INSC: variants seen among roughly 807,000 people sequenced by gnomAD.
INSC encodes protein inscuteable homolog.
In INSC, 67 loss-of-function variants were observed where a neutral mutation model predicts 58.6. That is an observed-to-expected ratio of 1.14 (90% CI 0.94 to 1.40). The LOEUF (loss-of-function observed/expected upper bound fraction) is 1.40, where lower values mean the gene tolerates loss of function less well. Among genes scored for constraint, INSC ranks in the 40% most tolerant of loss-of-function variants. The pLI, the probability that INSC is intolerant of heterozygous loss-of-function variation, is 0.00. For synonymous variants in INSC, 262 were observed against 276.1 expected (o/e 0.95, Z 0.51); for missense variants, 714 against 692.0 (o/e 1.03, Z -0.36).
chr11:15,210,071 A>T (rs1320039330), intron 7 of INSC, among the ~76,000 whole-genome samples: 1 of 152,220 alleles, frequency 6.6e-6, no homozygotes, highest in Non-Finnish European at 1.5e-5. Context: ...GTGGGCCAAG[A>T]TGAGCTCTGC....
At chr11:15,119,936 A>T (rs1232168965) in intron 1 of INSC, among the ~76,000 whole-genome samples, 2 of 152,224 alleles carry the variant, frequency 1.3e-5, no homozygotes. Flanking sequence ...GAATAGGCAA[A>T]CCATAAAATG....
intron 1 of INSC, among the ~76,000 whole-genome samples, chr11:15,127,582 A>T (rs1159104519): frequency 6.6e-6 from 1 of 152,172 alleles, no homozygotes; most frequent in Non-Finnish European, 1.5e-5. Flanking sequence ...TTCCACATGG[A>T]GAGTAGTGAG....
chr11:15,135,881 T>C (rs1290450010), intron 1 of INSC, among the ~76,000 whole-genome samples: 2 of 152,194 alleles, frequency 1.3e-5, no homozygotes, highest in East Asian at 3.8e-4. Flanking sequence ...ATGGGTTTGG[T>C]ATCTAATGAA....
downstream of INSC, among the ~76,000 whole-genome samples, chr11:15,250,293 C>T (rs1445712901): frequency 2.0e-5 from 3 of 152,180 alleles, no homozygotes; most frequent in Non-Finnish European, 4.4e-5. Context: ...TCTGTTCTCT[C>T]ATCTGTAAAG....
At chr11:15,196,226 T>G (rs1022700642) in intron 6 of INSC, among the ~76,000 whole-genome samples, 1 of 152,232 alleles carries the variant, frequency 6.6e-6, no homozygotes, top group Non-Finnish European at 1.5e-5. Flanking sequence ...TAATTACTAT[T>G]TATTGGTGGC....
intron 9 of INSC, among the ~76,000 whole-genome samples, chr11:15,230,012 TAA>T (rs1491434998): frequency 0.027 from 707 of 25,824 alleles, 53 homozygotes; most frequent in African/African-American, 0.099. Context: ...TATATATATA[TAA>T]TATATATATA....
intron 2 of INSC, among the ~76,000 whole-genome samples, chr11:15,153,274 A>T (rs1291147783): frequency 6.6e-6 from 1 of 152,186 alleles, no homozygotes; most frequent in South Asian, 2.1e-4. Context: ...ACACTTTTTC[A>T]CATGGTTTCC....
At chr11:15,248,035 G>A (rs1852610769), downstream of INSC, among the ~76,000 whole-genome samples, 1 of 152,142 alleles carries the variant, frequency 6.6e-6, no homozygotes, top group South Asian at 2.1e-4. Context: ...TAAAGGTAGT[G>A]TTCCACAGAA....
chr11:15,177,236 C>T, intron 4 of INSC, 73 bp downstream of exon 4: 1 of 1,175,746 alleles, frequency 8.5e-7, no homozygotes, highest in South Asian at 1.2e-5. Flanking sequence ...GGTATCTTCT[C>T]CCAGAGGGAG....
intron 1 of INSC, among the ~76,000 whole-genome samples, chr11:15,132,159 C>T (rs1297936328): frequency 6.6e-6 from 1 of 152,096 alleles, no homozygotes; most frequent in Non-Finnish European, 1.5e-5. Context: ...TAATTTATAT[C>T]TCTATTTTTC....
At chr11:15,144,635 G>T (rs1416921104) in intron 1 of INSC, among the ~76,000 whole-genome samples, 3 of 152,172 alleles carry the variant, frequency 2.0e-5, no homozygotes, top group Non-Finnish European at 4.4e-5. Flanking sequence ...GCCCTAATGG[G>T]ATTGCAGATT....
At chr11:15,260,342 G>A in the INSC span, among the ~76,000 whole-genome samples, 46 of 152,202 alleles carry the variant, frequency 3.0e-4, 1 homozygote, top group South Asian at 3.9e-3. Context: ...GCACTCTTAC[G>A]ATGAAATGTA....
At chr11:15,216,674 G>T (rs776005027) in intron 7 of INSC, among the ~76,000 whole-genome samples, 2 of 152,214 alleles carry the variant, frequency 1.3e-5, no homozygotes, top group Admixed American at 6.5e-5. Flanking sequence ...CTGGTTCTGG[G>T]CTGCATGACT....
intron 7 of INSC, among the ~76,000 whole-genome samples, chr11:15,215,658 C>A (rs4756802): frequency 0.27 from 41,441 of 152,168 alleles, 6,492 homozygotes; most frequent in East Asian, 0.73. Flanking sequence ...TAGGCCTCAG[C>A]TGGATGCTGA....
At chr11:15,189,147 C>G (rs1850074651) in intron 5 of INSC, among the ~76,000 whole-genome samples, 1 of 152,212 alleles carries the variant, frequency 6.6e-6, no homozygotes, top group Non-Finnish European at 1.5e-5. Context: ...GGGAGAGCCA[C>G]TTACCTTGAG....
intron 2 of INSC, among the ~76,000 whole-genome samples, chr11:15,168,825 T>C (rs1849290635): frequency 6.6e-6 from 1 of 152,176 alleles, no homozygotes; most frequent in African/African-American, 2.4e-5. Flanking sequence ...AATAGTTAGG[T>C]TTCTTTATCT....
chr11:15,234,113 C>A (rs1289766012), intron 9 of INSC, among the ~76,000 whole-genome samples: 1 of 152,232 alleles, frequency 6.6e-6, no homozygotes, highest in Non-Finnish European at 1.5e-5. Flanking sequence ...GAGCTAGTCA[C>A]CCCCTTCTTA....
intron 2 of INSC, among the ~76,000 whole-genome samples, chr11:15,160,571 A>G (rs1564876636): frequency 6.6e-6 from 1 of 152,200 alleles, no homozygotes; most frequent in East Asian, 1.9e-4. Context: ...ACACACACAT[A>G]CCATTTTTAG....
chr11:15,136,427 C>T (rs189745255), intron 1 of INSC, among the ~76,000 whole-genome samples: 3 of 151,916 alleles, frequency 2.0e-5, no homozygotes, highest in Admixed American at 2.0e-4. Flanking sequence ...AAGTTTGCCA[C>T]ATCAATTGAC....
Sources: allele counts gnomAD v4.1 joint callset (sites outside exome capture counted in the v4.1 genomes callset), GRCh38; gene constraint gnomAD v4.1.1; transcripts MANE v1.5; gene names NCBI Gene and HGNC (gene_info 2026-07-23, HGNC 2026-07-21).